Variants in RYR2 observed in about 807,000 individuals in gnomAD.
RYR2 encodes ryanodine receptor 2.
Under a neutral mutation model 601.1 loss-of-function variants are expected in RYR2, and 227 were observed. That is an observed-to-expected ratio of 0.38 (90% confidence interval 0.34 to 0.42). The LOEUF is 0.42. Ranked by LOEUF, RYR2 falls within the 10% of genes least tolerant of loss-of-function variation. The pLI, the probability that RYR2 is intolerant of heterozygous loss-of-function variation, is 1.00. For synonymous variants in RYR2, 2,223 were observed against 2,175.1 expected (o/e 1.02, Z -0.61); for missense variants, 4,646 against 6,156.5 (o/e 0.75, Z 8.21).
In RYR2 at chr1:237,355,985, G is replaced by A. The variant is rs769620898; in HGVS notation, c.294G>A (p.Trp98Ter). Residue 98 changes from tryptophan to a stop codon, truncating the protein, a stop_gained and splice_region_variant, in exon 4 of 105, where the codon TGG becomes TGA. Coordinates refer to ENST00000366574, the MANE Select transcript of RYR2 (RefSeq NM_001035.3). LOFTEE classifies it high-confidence loss of function. The part of the protein sequence containing the change: ...KSEGQVDVEK[W>*]KFMMKTAQGG... Reference sequence around the variant, plus strand: ...CACAGCAAGTTGATGTGGAAAAATGGGTATGTGTTTCCATGTATTTGCAAA... The same window carrying A: ...CACAGCAAGTTGATGTGGAAAAATGAGTATGTGTTTCCATGTATTTGCAAA... 3 of 1,606,474 alleles carry A rather than the reference G, an allele frequency of 1.9e-6. No individual in the cohort carries two copies. Among genetic ancestry groups the A allele is most frequent in the South Asian group, 1.1e-5 (1 of 89,768 alleles).
chr1:237,777,128 G>A (rs957592830), intron 87 of RYR2, among the ~76,000 whole-genome samples: 1 of 152,214 alleles, frequency 6.6e-6, no homozygotes, highest in Non-Finnish European at 1.5e-5. Context: ...CTCACTTGGT[G>A]TAAGGGGATG....
At chr1:237,720,111 T>C (rs1401130233) in intron 73 of RYR2, among the ~76,000 whole-genome samples, 1 of 152,232 alleles carries the variant, frequency 6.6e-6, no homozygotes, top group Non-Finnish European at 1.5e-5. Flanking sequence ...AAATTTTTTA[T>C]ACCATTGAAT....
At chr1:237,308,603 A>C (rs12749298) in intron 2 of RYR2, among the ~76,000 whole-genome samples, 1 of 151,904 alleles carries the variant, frequency 6.6e-6, no homozygotes, top group Non-Finnish European at 1.5e-5. Flanking sequence ...TCTGATGCTC[A>C]GATGTGTTCG....
intron 56 of RYR2, 75 bp downstream of exon 56, chr1:237,661,022 T>A: frequency 8.2e-7 from 1 of 1,221,486 alleles, no homozygotes; most frequent in Non-Finnish European, 1.0e-6. Context: ...AATTATTGAG[T>A]TTTTCTAAAG....
At chr1:237,111,448 C>T (rs1237683414) in intron 1 of RYR2, among the ~76,000 whole-genome samples, 1 of 152,006 alleles carries the variant, frequency 6.6e-6, no homozygotes, top group Non-Finnish European at 1.5e-5. Context: ...ATTAGCCGGG[C>T]GCGGTGGCAG....
intron 83 of RYR2, 37 bp downstream of exon 83, chr1:237,759,889 T>C (rs1176905684): frequency 4.4e-6 from 6 of 1,354,286 alleles, no homozygotes; most frequent in Non-Finnish European, 5.2e-6. Flanking sequence ...TTCTACTCAG[T>C]GGTTGTATTT....
intron 1 of RYR2, among the ~76,000 whole-genome samples, chr1:237,085,627 C>G (rs1380012039): frequency 6.6e-6 from 1 of 152,154 alleles, no homozygotes; most frequent in Non-Finnish European, 1.5e-5. Flanking sequence ...ATATCAAGAA[C>G]CAAGAGCATT....
chr1:237,612,793 A>G (rs144507401), intron 36 of RYR2, among the ~76,000 whole-genome samples: 88 of 152,356 alleles, frequency 5.8e-4, no homozygotes, highest in African/African-American at 2.0e-3. Flanking sequence ...TCGAAAACCA[A>G]CATAACACCT....
chr1:237,624,793 T>C (rs1019098381), intron 39 of RYR2, among the ~76,000 whole-genome samples: 3 of 152,154 alleles, frequency 2.0e-5, no homozygotes, highest in African/African-American at 7.2e-5. Flanking sequence ...GGTCTGATGA[T>C]TCAATGAAAG....
At chr1:237,153,632 A>G (rs953504706) in intron 1 of RYR2, among the ~76,000 whole-genome samples, 2 of 149,292 alleles carry the variant, frequency 1.3e-5, no homozygotes, top group Non-Finnish European at 3.0e-5. Flanking sequence ...GTTGAAGGTT[A>G]TAAACTATAA....
chr1:237,456,614 C>A lies in RYR2; in HGVS notation c.1491C>A (p.Leu497=). The change falls in exon 16 of 105, where the codon CTC becomes CTA. Residue 497 remains leucine, a synonymous_variant. Coordinates refer to ENST00000366574, the MANE Select transcript of RYR2 (RefSeq NM_001035.3). The stretch of plus-strand genomic sequence containing the variant: ...TAACGTTCCAGGGAATGATCAACCT[C>A]GTGCTTGAGTGCATAGACCGTTTGC... ...NLFQEEGMIN[L]VLECIDRLHV... is the part of the protein sequence containing the mutation. The A allele has an allele frequency of 6.5e-7, 1 of 1,548,778 alleles. No individual in the cohort carries two copies. The highest frequency in any genetic ancestry group is 1.4e-5 in the African/African-American group (1 of 72,788).
At chr1:237,358,810 A>G (rs759628197) in intron 4 of RYR2, among the ~76,000 whole-genome samples, 20 of 152,052 alleles carry the variant, frequency 1.3e-4, no homozygotes, top group Admixed American at 1.1e-3. Flanking sequence ...GATATCAGGT[A>G]TCCCTGAAGC....
At chr1:237,636,559 T>C (rs1288920422) in intron 44 of RYR2, among the ~76,000 whole-genome samples, 1 of 152,242 alleles carries the variant, frequency 6.6e-6, no homozygotes. Context: ...GCTAGAACTC[T>C]CTTCTACTTC....
At chr1:237,761,501 A>C (rs1002718331) in intron 84 of RYR2, among the ~76,000 whole-genome samples, 1 of 152,186 alleles carries the variant, frequency 6.6e-6, no homozygotes, top group African/African-American at 2.4e-5. Flanking sequence ...AGTGATCCTC[A>C]AATCCATACA....
chr1:237,093,450 G>A (rs1251212218), intron 1 of RYR2, among the ~76,000 whole-genome samples: 2 of 152,180 alleles, frequency 1.3e-5, no homozygotes, highest in Non-Finnish European at 2.9e-5. Flanking sequence ...AAATATGGGA[G>A]ATCAAGGACA....
At chr1:237,680,874 G>A (rs1685818719) in intron 62 of RYR2, among the ~76,000 whole-genome samples, 1 of 152,168 alleles carries the variant, frequency 6.6e-6, no homozygotes, top group African/African-American at 2.4e-5. Context: ...ATTAGTATTT[G>A]TGATAAATGG....
At chr1:237,697,737 A>G (rs985454811) in intron 63 of RYR2, among the ~76,000 whole-genome samples, 1 of 151,736 alleles carries the variant, frequency 6.6e-6, no homozygotes, top group African/African-American at 2.4e-5. Context: ...TTAATCATCA[A>G]ATGAATACTT....
chr1:237,803,966 C>T (rs1160871311), intron 98 of RYR2, among the ~76,000 whole-genome samples: 1 of 152,104 alleles, frequency 6.6e-6, no homozygotes, highest in Admixed American at 6.6e-5. Context: ...TAGACAATAG[C>T]TTAACTAGAG....
chr1:237,585,216 G>T (rs1050226395), intron 29 of RYR2, among the ~76,000 whole-genome samples: 1 of 152,196 alleles, frequency 6.6e-6, no homozygotes, highest in Admixed American at 6.5e-5. Flanking sequence ...CCAGGATAAA[G>T]CATGGGCATT....
Sources: gnomAD v4.1 joint callset for allele counts (sites outside exome capture counted in the v4.1 genomes callset) on GRCh38, gnomAD v4.1.1 for gene constraint, MANE v1.5 for transcripts, NCBI Gene and HGNC (gene_info 2026-07-23, HGNC 2026-07-21) for gene names.